NUDT3: variants seen among roughly 807,000 people sequenced by gnomAD.
NUDT3 encodes the protein nudix hydrolase 3.
A neutral mutation model predicts 23.6 loss-of-function variants in NUDT3; 9 were observed. That is an observed-to-expected ratio of 0.38 (90% CI 0.23 to 0.66). The LOEUF (loss-of-function observed/expected upper bound fraction) is 0.66, where lower values mean the gene tolerates loss of function less well. Among genes scored for constraint, NUDT3 ranks in the 30% least tolerant of loss-of-function variants. The probability of loss-of-function intolerance (pLI) is 0.52; values close to 1 mark genes in which losing one functional copy is unlikely to be tolerated. For synonymous variants in NUDT3, 86 were observed against 82.6 expected, an observed-to-expected ratio of 1.04 and a Z score of -0.22; for missense variants, 172 against 218.5, an observed-to-expected ratio of 0.79 and a Z score of 1.34.
intron 1 of NUDT3, among the ~76,000 whole-genome samples, chr6:34,345,240 G>A (rs1764347786): frequency 6.6e-6 from 1 of 150,744 alleles, no homozygotes; most frequent in East Asian, 2.0e-4. Flanking sequence ...AGTAGAGACG[G>A]GGTTTCACCG....
intron 1 of NUDT3, among the ~76,000 whole-genome samples, chr6:34,358,733 G>C (rs1051858101): frequency 2.6e-5 from 4 of 152,138 alleles, no homozygotes; most frequent in Non-Finnish European, 5.9e-5. Context: ...ACTGGGCAGA[G>C]GAGCAATAAC....
chr6:34,339,773 A>G (rs546406808), intron 2 of NUDT3, among the ~76,000 whole-genome samples: 20 of 152,364 alleles, frequency 1.3e-4, no homozygotes, highest in Non-Finnish European at 2.8e-4. Context: ...TTCTCACTCT[A>G]AAATTACATA....
chr6:34,327,719 T>G (rs557443396), intron 2 of NUDT3, among the ~76,000 whole-genome samples: 49 of 152,260 alleles, frequency 3.2e-4, no homozygotes, highest in African/African-American at 1.2e-3. Context: ...TGGGCAGGCC[T>G]GGATAATATC....
chr6:34,302,272 C>T (rs1201185681), intron 2 of NUDT3, among the ~76,000 whole-genome samples: 1 of 151,608 alleles, frequency 6.6e-6, no homozygotes, highest in Non-Finnish European at 1.5e-5. Flanking sequence ...TCAGGCAATT[C>T]TTCCATTTCA....
At chr6:34,367,475 T>G (rs1271633280) in intron 1 of NUDT3, among the ~76,000 whole-genome samples, 1 of 148,742 alleles carries the variant, frequency 6.7e-6, no homozygotes, top group African/African-American at 2.5e-5. Context: ...AGAGTGAGAC[T>G]CCATCTCATT....
At chr6:34,347,399 G>T (rs1427160472) in intron 1 of NUDT3, among the ~76,000 whole-genome samples, 1 of 152,166 alleles carries the variant, frequency 6.6e-6, no homozygotes, top group Non-Finnish European at 1.5e-5. Context: ...ATTGAGACAG[G>T]TGATATCTAC....
chr6:34,359,193 G>A (rs1015920313), intron 1 of NUDT3, among the ~76,000 whole-genome samples: 2 of 152,120 alleles, frequency 1.3e-5, no homozygotes, highest in Non-Finnish European at 2.9e-5. Context: ...CTAACACGGT[G>A]AAACCCAGTT....
At chr6:34,373,337 G>T (rs561940075) in intron 1 of NUDT3, among the ~76,000 whole-genome samples, 8 of 94,720 alleles carry the variant, frequency 8.4e-5, no homozygotes, top group African/African-American at 6.5e-4. Context: ...TATTATATGT[G>T]AATTTAATGT....
chr6:34,322,287 G>C (rs1376748830), intron 2 of NUDT3, among the ~76,000 whole-genome samples: 1 of 151,488 alleles, frequency 6.6e-6, no homozygotes. Flanking sequence ...CTGGAGTGCA[G>C]TGGCACGATT....
At chr6:34,356,971 G>T (rs1764571127) in intron 1 of NUDT3, among the ~76,000 whole-genome samples, 1 of 151,998 alleles carries the variant, frequency 6.6e-6, no homozygotes, top group African/African-American at 2.4e-5. Context: ...TAGAAACAGG[G>T]TTTCACCGTG....
intron 1 of NUDT3, among the ~76,000 whole-genome samples, chr6:34,368,678 G>A (rs939461818): frequency 2.0e-5 from 3 of 152,136 alleles, no homozygotes; most frequent in South Asian, 2.1e-4. Flanking sequence ...TCACTCTGTC[G>A]CCCAGGCTGG....
chr6:34,351,586 AC>A (rs1381513675), intron 1 of NUDT3, among the ~76,000 whole-genome samples: 5 of 149,566 alleles, frequency 3.3e-5, no homozygotes, highest in African/African-American at 1.3e-4. Flanking sequence ...TACTAAAAAT[AC>A]AAAAATTAGC....
rs1199502066 is a variant in NUDT3 at position 34,288,724 on chromosome 6, T to C, written c.*29A>G. On this transcript the variant is annotated 3_prime_UTR_variant, in exon 5 of 5. Coordinates refer to ENST00000607016, the MANE Select transcript of NUDT3 (RefSeq NM_006703.4). The stretch of plus-strand genomic sequence containing the variant: ...ATTTGCACTTCAGTCTAGTTTCCAA[T>C]TTCCATTTCTCTTACAGGAAGTCTT... 6.3e-7 allele frequency: 1 copy of C among 1,593,478 alleles called. No individual in the cohort carries two copies. Among genetic ancestry groups the C allele is most frequent in the Non-Finnish European group, 8.5e-7 (1 of 1,171,374 alleles).
chr6:34,325,911 C>T (rs1023564526), intron 2 of NUDT3, among the ~76,000 whole-genome samples: 1 of 152,198 alleles, frequency 6.6e-6, no homozygotes, highest in African/African-American at 2.4e-5. Context: ...TAGCTTCCAG[C>T]TCAGGAACTT....
Position 34,318,054 on chromosome 6 carries a change from A to G in NUDT3, c.211-22369T>C, listed in dbSNP as rs1042653404. On this transcript the variant is annotated intron_variant, in intron 2 of 4. Transcript: ENST00000607016. Reference sequence around the variant, plus strand: ...AAATAAACTTGCATCAAAAGCAAAAACCTAACTGAAGCTCTGCCATCTGCC... The same window carrying G: ...AAATAAACTTGCATCAAAAGCAAAAGCCTAACTGAAGCTCTGCCATCTGCC... 5.9e-5 allele frequency among the ~76,000 whole-genome samples: 9 copies of G among 152,088 alleles called. No individual in the cohort carries two copies. In the South Asian group the frequency reaches 1.0e-3, roughly 18 times the overall value.
At chr6:34,303,141 C>T (rs1763625338) in intron 2 of NUDT3, among the ~76,000 whole-genome samples, 1 of 151,802 alleles carries the variant, frequency 6.6e-6, no homozygotes, top group African/African-American at 2.4e-5. Flanking sequence ...AAGTGATCCT[C>T]CCTCCTCGGC....
intron 1 of NUDT3, among the ~76,000 whole-genome samples, chr6:34,366,746 G>C (rs1270470789): frequency 6.6e-6 from 1 of 151,974 alleles, no homozygotes; most frequent in African/African-American, 2.4e-5. Context: ...AATAGGTACA[G>C]AGTATCAGTT....
At chr6:34,378,109 C>T (rs1764955426) in intron 1 of NUDT3, among the ~76,000 whole-genome samples, 1 of 150,638 alleles carries the variant, frequency 6.6e-6, no homozygotes, top group Non-Finnish European at 1.5e-5. Flanking sequence ...GAGTTTGAGA[C>T]TAGCCTAGCG....
intron 2 of NUDT3, among the ~76,000 whole-genome samples, chr6:34,307,544 C>G (rs1186675650): frequency 6.6e-6 from 1 of 152,106 alleles, no homozygotes. Context: ...CCACTGCTCT[C>G]CAGTCTGGGC....
Sources: allele counts gnomAD v4.1 joint callset (sites outside exome capture counted in the v4.1 genomes callset), GRCh38; gene constraint gnomAD v4.1.1; transcripts MANE v1.5; gene names NCBI Gene and HGNC (gene_info 2026-07-23, HGNC 2026-07-21).